The following UGGT1 variants were observed in gnomAD, a reference collection of about 807,000 sequenced individuals.
UGGT1 encodes UDP-glucose:glycoprotein glucosyltransferase 1.
In UGGT1, 107 loss-of-function variants were observed where a neutral mutation model predicts 203.9. The ratio of observed to expected loss-of-function variants is 0.52; its 90% CI spans 0.45 to 0.62. UGGT1 has a LOEUF of 0.62. Ranked by LOEUF, UGGT1 falls within the 20% of genes least tolerant of loss-of-function variation. The pLI is 0.00. For synonymous variants in UGGT1, 628 were observed against 653.5 expected (o/e 0.96, Z 0.59); for missense variants, 1,673 against 1,867.2 (o/e 0.90, Z 1.92).
Position 128,115,235 on chromosome 2 carries a change from A to G in UGGT1, c.793+15A>G, listed in dbSNP as rs1324696583. 1.2e-5 allele frequency: 19 copies of G among 1,608,548 alleles called. No homozygotes were observed. The highest frequency in any genetic ancestry group is 1.6e-5 in the Non-Finnish European group (19 of 1,175,254). On this transcript the variant is annotated intron_variant, in intron 7 of 40. Coordinates refer to ENST00000259253, the MANE Select transcript of UGGT1 (RefSeq NM_020120.4). ...TCAGGTGAAAGGTGAATTTGTAAAA[A>G]TGGGACCAGTGTGCTTTCTTCAAAT...
rs373772609 is a variant in UGGT1, at chr2:128,114,002, C to G, written c.696+744C>G. Among the ~76,000 whole-genome samples, 91 of 151,436 alleles carry G rather than the reference C, an allele frequency of 6.0e-4. 31 individuals carry two copies. The South Asian group carries it at 0.019, about 31-fold the overall frequency. Reference sequence around the variant, plus strand: ...TCTCAAAAAAAAAAAAAAAAAGACTCTGTGTAATATTTAGTCATTTAAAAT... The same window carrying G: ...TCTCAAAAAAAAAAAAAAAAAGACTGTGTGTAATATTTAGTCATTTAAAAT... On this transcript the variant is annotated intron_variant, in intron 6 of 40. Transcript: ENST00000259253.
intron 5 of UGGT1, among the ~76,000 whole-genome samples, chr2:128,110,240 A>C (rs1218876498): frequency 6.6e-6 from 1 of 152,188 alleles, no homozygotes; most frequent in Non-Finnish European, 1.5e-5. Context: ...TGTGGTAGAC[A>C]ACTCTGCTAT....
At chr2:128,113,305 G>A (rs1379178183) in intron 6 of UGGT1, 47 bp downstream of exon 6, 2 of 1,464,486 alleles carry the variant, frequency 1.4e-6, no homozygotes, top group Non-Finnish European at 9.2e-7. Context: ...AATTTGCCTA[G>A]CATGACTTTA....
chr2:128,188,673 A>C (rs962766043), intron 40 of UGGT1, among the ~76,000 whole-genome samples: 6 of 152,238 alleles, frequency 3.9e-5, no homozygotes, highest in Admixed American at 6.5e-5. Flanking sequence ...GGCTGGGCAC[A>C]GTGGCTCATG....
intron 22 of UGGT1, 126 bp downstream of exon 22, chr2:128,157,472 G>A (rs1306820729): frequency 1.6e-5 from 11 of 667,090 alleles, no homozygotes; most frequent in African/African-American, 3.6e-5. Flanking sequence ...TCGAGGGAAC[G>A]GAGAATTGTA....
At chr2:128,097,701 G>C in intron 2 of UGGT1, 137 bp downstream of exon 2, 1 of 1,104,102 alleles carries the variant, frequency 9.1e-7, no homozygotes, top group Non-Finnish European at 1.3e-6. Flanking sequence ...TATACTGTAG[G>C]ATGTATTGTA....
chr2:128,115,504 A>C (rs1233256651), intron 7 of UGGT1, among the ~76,000 whole-genome samples: 1 of 124,662 alleles, frequency 8.0e-6, no homozygotes, highest in Non-Finnish European at 1.8e-5. Context: ...AAAAAAAAAA[A>C]ACAAAAACCC....
intron 7 of UGGT1, among the ~76,000 whole-genome samples, chr2:128,115,496 A>C (rs970199706): frequency 1.5e-4 from 23 of 151,430 alleles, no homozygotes; most frequent in African/African-American, 5.3e-4. Flanking sequence ...AAAAAAAAAA[A>C]AAAAAAAAAC....
Position 128,189,842 on chromosome 2 carries a change from T to G in UGGT1, c.*100T>G. The G allele has an allele frequency of 7.5e-7, 1 of 1,328,428 alleles. No homozygotes were observed. The highest frequency in any genetic ancestry group is 1.1e-6 in the Non-Finnish European group (1 of 943,882). 82.3% of individuals were successfully genotyped at this position (1,328,428 alleles called of 1,614,324 possible). On this transcript the variant is annotated 3_prime_UTR_variant, in exon 41 of 41. Coordinates refer to ENST00000259253, the MANE Select transcript of UGGT1 (RefSeq NM_020120.4). The stretch of plus-strand genomic sequence containing the variant: ...TCTATACAACTGCTGATAAGCCGGC[T>G]GGGCAGGAGTGCCACACCTTTTGAT...
chr2:128,105,032 TA>T (rs994289681), intron 3 of UGGT1, among the ~76,000 whole-genome samples: 2 of 151,370 alleles, frequency 1.3e-5, no homozygotes, highest in Non-Finnish European at 1.5e-5. Context: ...TTTCTTCTTT[TA>T]AAATTATTTA....
In UGGT1 at chr2:128,138,849, A is replaced by G; in HGVS notation, c.1716A>G (p.Thr572=). The G allele has an allele frequency of 6.2e-7, 1 of 1,612,040 alleles. No homozygotes were observed. Among genetic ancestry groups the G allele is most frequent in the Non-Finnish European group, 8.5e-7 (1 of 1,179,556 alleles). ...ATTATCATGCCTTCCAGACTCTGAC[A>G]CATGTACGTTTTTGTTCAGAATGGC... ...VDDYHAFQTL[T]HIYNKVRTGE... is the part of the protein sequence containing the mutation. The change falls in exon 16 of 41, where the codon ACA becomes ACG. Residue 572 remains threonine, a synonymous_variant. Coordinates refer to ENST00000259253, the MANE Select transcript of UGGT1 (RefSeq NM_020120.4).
intron 7 of UGGT1, among the ~76,000 whole-genome samples, chr2:128,115,483 T>TAAAAA (rs55952659): frequency 4.1e-5 from 5 of 121,750 alleles, no homozygotes; most frequent in Non-Finnish European, 8.5e-5. Flanking sequence ...TTTCATGTAC[T>TAAAAA]AAAAAAAAAA....
Position 128,177,842 on chromosome 2 carries a change from A to G in UGGT1, c.3635A>G (p.Lys1212Arg). 1 of 1,599,814 alleles carries G rather than the reference A, an allele frequency of 6.3e-7. No individual in the cohort carries two copies. Among genetic ancestry groups the G allele is most frequent in the Non-Finnish European group, 8.5e-7 (1 of 1,174,052 alleles). ...SKIIKVKVQK[K>R]ADMVNEDLLS... ...CACATTTGATTGCAGGTTCAGAAGA[A>G]GGCAGATATGGTGAACGAAGACTTG... Residue 1212 changes from lysine to arginine, a missense_variant, in exon 33 of 41, where the codon AAG becomes AGG. By Grantham distance (26) the Lys-to-Arg change is conservative. This residue lies in a region of UGGT1 where 513 missense variants were observed against 684.1 expected (regional missense o/e 0.75). Transcript: ENST00000259253.
At chr2:128,097,033 C>T (rs1163139959) in intron 1 of UGGT1, among the ~76,000 whole-genome samples, 3 of 152,130 alleles carry the variant, frequency 2.0e-5, no homozygotes, top group Non-Finnish European at 4.4e-5. Context: ...TTTGTGTCTC[C>T]AAGTATTATT....
intron 11 of UGGT1, among the ~76,000 whole-genome samples, 185 bp downstream of exon 11, chr2:128,123,431 A>ACGTAAC: frequency 6.6e-6 from 1 of 152,240 alleles, no homozygotes; most frequent in Non-Finnish European, 1.5e-5. Context: ...AACTGAAAGC[A>ACGTAAC]TGAAGTGGTG....
Position 128,091,228 on chromosome 2 carries a change from T to G in UGGT1, c.-130T>G. 1 of 1,016,928 alleles carries G rather than the reference T, an allele frequency of 9.8e-7. No homozygotes were observed. The highest frequency in any genetic ancestry group is 1.4e-6 in the Non-Finnish European group (1 of 727,762). 63.0% of individuals were successfully genotyped at this position (1,016,928 alleles called of 1,614,324 possible). A position where few individuals can be genotyped will look rare whatever the true frequency, so the allele number is the denominator to read the frequency against. ...TGGGCAATTGCTTTGCGAGGCTGGG[T>G]GTTGAGTCGAGCCGCGGGAAAGGCG... On this transcript the variant is annotated 5_prime_UTR_variant, in exon 1 of 41. Transcript: ENST00000259253.
intron 17 of UGGT1, 95 bp from the exon 18 acceptor site, chr2:128,145,708 T>C: frequency 9.3e-7 from 1 of 1,078,690 alleles, no homozygotes; most frequent in Middle Eastern, 2.5e-4. Flanking sequence ...TTCTATTGAT[T>C]GTTGTTAGAA....
chr2:128,108,145 A>G (rs1008905723), intron 4 of UGGT1, 77 bp downstream of exon 4: 4 of 1,525,706 alleles, frequency 2.6e-6, no homozygotes, highest in Non-Finnish European at 2.7e-6. Flanking sequence ...TTGTCCTGGA[A>G]TTGAATTACA....
At chr2:128,169,497 A>G (rs1248556827) in intron 26 of UGGT1, among the ~76,000 whole-genome samples, 2 of 152,372 alleles carry the variant, frequency 1.3e-5, no homozygotes, top group East Asian at 1.9e-4. Flanking sequence ...TGTGGTTGAC[A>G]ATACTTATTA....
Sources: gnomAD v4.1 joint callset for allele counts (sites outside exome capture counted in the v4.1 genomes callset) on GRCh38, gnomAD v4.1.1 for gene constraint, gnomAD v4.1.1 regional missense constraint, MANE v1.5 for transcripts, NCBI Gene and HGNC (gene_info 2026-07-23, HGNC 2026-07-21) for gene names.